PLAGL1: variants seen among roughly 807,000 people sequenced by gnomAD.
PLAGL1 encodes the protein zinc finger protein PLAGL1.
In PLAGL1, 1 loss-of-function variant was observed where a neutral mutation model predicts 4.6. The ratio of observed to expected loss-of-function variants is 0.22; its 90% CI spans 0.08 to 1.03. PLAGL1 has a LOEUF of 1.03. PLAGL1 is among the 50% of genes least tolerant of loss of function. The pLI, the probability that PLAGL1 is intolerant of heterozygous loss-of-function variation, is 0.58. For synonymous variants in PLAGL1, 240 were observed against 237.8 expected, an observed-to-expected ratio of 1.01 and a Z score of -0.08; for missense variants, 464 against 570.4, an observed-to-expected ratio of 0.81 and a Z score of 1.90.
At chr6:144,009,033 T>C (rs1360395393), upstream of PLAGL1, among the ~76,000 whole-genome samples, 2 of 152,216 alleles carry the variant, frequency 1.3e-5, no homozygotes, top group African/African-American at 4.8e-5. Context: ...GACGTGCTTT[T>C]TAAAAGGCCT....
intron 2 of PLAGL1, among the ~76,000 whole-genome samples, chr6:143,976,773 C>A (rs1372286098): frequency 1.3e-5 from 2 of 152,148 alleles, no homozygotes; most frequent in Non-Finnish European, 2.9e-5. Flanking sequence ...TATCTTCTCT[C>A]ACAACATGAA....
At chr6:144,012,464 T>A (rs2128689829), upstream of PLAGL1, among the ~76,000 whole-genome samples, 3 of 152,274 alleles carry the variant, frequency 2.0e-5, no homozygotes, top group South Asian at 6.2e-4. This position sits in a 1 kb window ranked among gnomAD's most constrained non-coding sequence, Gnocchi z 4.8. Context: ...CTCAAACTCC[T>A]GACCTCAGGT....
upstream of PLAGL1, among the ~76,000 whole-genome samples, chr6:144,012,196 C>G (rs1045950502): frequency 2.0e-5 from 3 of 151,960 alleles, no homozygotes; most frequent in Non-Finnish European, 2.9e-5. This position sits in a 1 kb window ranked among gnomAD's most constrained non-coding sequence, Gnocchi z 4.8. Flanking sequence ...TTGTTGCTTT[C>G]TTTCCTTTGG....
intron 2 of PLAGL1, among the ~76,000 whole-genome samples, chr6:143,977,090 C>CCA (rs1562477945): frequency 6.8e-6 from 1 of 148,102 alleles, no homozygotes. Flanking sequence ...CCTTCCCCCC[C>CCA]CCCAACACAC....
At position 143,942,417 on chromosome 6, in the gene PLAGL1, C is replaced by G. The variant is rs1263961385; in HGVS notation, c.399G>C (p.Glu133Asp). 6.2e-7 allele frequency: 1 copy of G among 1,614,152 alleles called. No homozygotes were observed. The highest frequency in any genetic ancestry group is 8.5e-7 in the Non-Finnish European group (1 of 1,180,012). ...GVCALELGSTEVLLDHLKAHA... is the reference protein window; with the variant it reads ...GVCALELGSTDVLLDHLKAHA... ...GGGCTTTGAGGTGGTCCAGTAGCAC[C>G]TCGGTGCTCCCTAGCTCCAGGGCAC... Residue 133 changes from glutamate (E) to aspartate (D), a missense_variant, in exon 8 of 8, where the codon GAG becomes GAC. Coordinates refer to ENST00000674357, the MANE Select transcript of PLAGL1 (RefSeq NM_001317162.2). This position sits in a 1 kb window ranked among gnomAD's most constrained non-coding sequence, Gnocchi z 7.6.
chr6:143,988,040 C>T (rs536610455), intron 1 of PLAGL1, among the ~76,000 whole-genome samples: 56 of 152,278 alleles, frequency 3.7e-4, no homozygotes, highest in Non-Finnish European at 6.8e-4. Context: ...TTTTCCCATA[C>T]ATATAAGATA....
chr6:144,013,405 C>A (rs537629193), upstream of PLAGL1, among the ~76,000 whole-genome samples: 1 of 152,148 alleles, frequency 6.6e-6, no homozygotes, highest in African/African-American at 2.4e-5. This position sits in a 1 kb window ranked among gnomAD's most constrained non-coding sequence, Gnocchi z 4.4. Context: ...GAGCATTTGA[C>A]AACTACACCC....
intron 1 of PLAGL1, among the ~76,000 whole-genome samples, chr6:144,029,714 G>GCCTTATGGAAGGCAA (rs1292527601): frequency 1.3e-5 from 2 of 152,186 alleles, no homozygotes; most frequent in Non-Finnish European, 2.9e-5. Flanking sequence ...AACTGGTACA[G>GCCTTATGGAAGGCAA]CCTTATGGAA....
intron 1 of PLAGL1, among the ~76,000 whole-genome samples, chr6:144,032,121 ATT>A (rs111598351): frequency 4.9e-5 from 7 of 142,336 alleles, no homozygotes; most frequent in East Asian, 2.0e-4. Flanking sequence ...AACTTATTGC[ATT>A]TTTTTTTTTT....
In PLAGL1 at chr6:143,972,425, T is replaced by C. The variant is rs190709490; in HGVS notation, c.-543-3447A>G. Reference sequence around the variant, plus strand: ...TGTGAAAGAAGGTATCTCAGAGATGTTTCCTTGTGATAATCTCAAGACTTT... The same window carrying C: ...TGTGAAAGAAGGTATCTCAGAGATGCTTCCTTGTGATAATCTCAAGACTTT... On this transcript the variant is annotated intron_variant, in intron 2 of 7. Transcript: ENST00000674357. This position sits in a 1 kb window ranked among gnomAD's most constrained non-coding sequence, Gnocchi z 6.8. Among the ~76,000 whole-genome samples, 46 of 152,288 alleles carry C rather than the reference T, an allele frequency of 3.0e-4. No individual in the cohort carries two copies. The highest frequency in any genetic ancestry group is 9.4e-4 in the African/African-American group (39 of 41,564).
intron 1 of PLAGL1, among the ~76,000 whole-genome samples, chr6:144,023,673 C>T (rs1317737478): frequency 1.3e-5 from 2 of 149,726 alleles, no homozygotes; most frequent in African/African-American, 4.9e-5. Flanking sequence ...CTAGGTTTCT[C>T]TGTTAGGGAA....
At position 144,032,121 on chromosome 6, in the gene PLAGL1, A is replaced by ATTTT. The variant is rs111598351; in HGVS notation, c.-151+32343_-151+32346dup. On this transcript the variant is annotated intron_variant, in intron 1 of 3. Transcript: ENST00000437412. Reference sequence around the variant, plus strand: ...CAAGTTTCTCCCTATAACTTATTGCATTTTTTTTTTTTTGAGACAGAGTAT... The same window carrying ATTTT: ...CAAGTTTCTCCCTATAACTTATTGCATTTTTTTTTTTTTTTTTGAGACAGAGTAT... 8.8e-3 allele frequency among the ~76,000 whole-genome samples: 1,259 copies of ATTTT among 142,348 alleles called. 56 individuals are homozygous for ATTTT. The highest frequency in any genetic ancestry group is 0.078 in the Admixed American group (1,112 of 14,230). The allele number at this position is 142,348 out of a possible 152,430, so 93.4% of individuals were successfully genotyped here.
At chr6:144,019,336 G>T (rs1284092763) in intron 1 of PLAGL1, among the ~76,000 whole-genome samples, 1 of 152,108 alleles carries the variant, frequency 6.6e-6, no homozygotes, top group Admixed American at 6.5e-5. Context: ...GCCAGGCATG[G>T]TGGTGGGCGC....
rs748123821 is a variant in PLAGL1, at chr6:143,942,173, T to C, written c.643A>G (p.Ser215Gly). The part of the protein sequence containing the change: ...KTHSQELMKE[S>G]LQTGDLLSTF... Reference sequence around the variant, plus strand: ...CTCAGAAGGTCTCCGGTCTGCAAGCTCTCTTTCATCAGCTCCTGTGAGTGG... The same window carrying C: ...CTCAGAAGGTCTCCGGTCTGCAAGCCCTCTTTCATCAGCTCCTGTGAGTGG... Residue 215 changes from serine to glycine, a missense_variant, in exon 8 of 8, where the codon AGC (serine) becomes GGC (glycine). This residue lies in a region of PLAGL1 where 248 missense variants were observed against 250.1 expected (regional missense o/e 0.99). Transcript: ENST00000674357. The surrounding 1 kb of genome is among the most constrained non-coding windows in gnomAD (Gnocchi z 7.6). 2.1e-5 allele frequency: 34 copies of C among 1,613,952 alleles called. No individual in the cohort carries two copies. Among genetic ancestry groups the C allele is most frequent in the Non-Finnish European group, 2.9e-5 (34 of 1,179,988 alleles).
rs888715986 is a variant in PLAGL1, at chr6:143,960,012, C to T, written c.-325+457G>A. On this transcript the variant is annotated intron_variant, in intron 6 of 7. Coordinates refer to ENST00000674357, the MANE Select transcript of PLAGL1 (RefSeq NM_001317162.2). The surrounding 1 kb of genome is among the most constrained non-coding windows in gnomAD (Gnocchi z 5.7). The stretch of plus-strand genomic sequence containing the variant: ...GCCTCAGGAAGTATGGCTGGATTGC[C>T]TCATGTGGCTGGGATGCGACCAGCA... Among the ~76,000 whole-genome samples the T allele has an allele frequency of 6.6e-6, 1 of 152,214 alleles. No homozygotes were observed. Among genetic ancestry groups the T allele is most frequent in the Admixed American group, 6.5e-5 (1 of 15,278 alleles).
In PLAGL1 at chr6:143,957,448, C is replaced by T. The variant is rs1177797284; in HGVS notation, c.-325+3021G>A. ...TCCCCCTCCTCACTCCCTAGAAACC[C>T]TTGAGTCTCGCCTTTAGGCCCTTTT... On this transcript the variant is annotated intron_variant, in intron 6 of 7. Transcript: ENST00000674357. This position sits in a 1 kb window ranked among gnomAD's most constrained non-coding sequence, Gnocchi z 4.2. Among the ~76,000 whole-genome samples, 1 of 152,216 alleles carries T rather than the reference C, an allele frequency of 6.6e-6. No homozygotes were observed. The highest frequency in any genetic ancestry group is 1.5e-5 in the Non-Finnish European group (1 of 68,044).
In PLAGL1 at chr6:143,948,861, T is replaced by A. The variant is rs1780396139; in HGVS notation, c.-324-401A>T. On this transcript the variant is annotated intron_variant, in intron 6 of 7. Transcript: ENST00000674357. The surrounding 1 kb of genome is among the most constrained non-coding windows in gnomAD (Gnocchi z 6.0). The stretch of plus-strand genomic sequence containing the variant: ...GTCCATAAACAAAAATCACCCACAC[T>A]TACTCAAACCACGGGCTCTTCCTCA... Among the ~76,000 whole-genome samples, 1 of 152,184 alleles carries A rather than the reference T, an allele frequency of 6.6e-6. No individual in the cohort carries two copies. The highest frequency in any genetic ancestry group is 1.5e-5 in the Non-Finnish European group (1 of 68,022).
chr6:144,009,591 A>C (rs866892511), upstream of PLAGL1, among the ~76,000 whole-genome samples: 1 of 152,184 alleles, frequency 6.6e-6, no homozygotes, highest in Non-Finnish European at 1.5e-5. Flanking sequence ...AGGTATACAC[A>C]TGCCATGGTG....
chr6:143,994,961 T>C lies in PLAGL1; in HGVS notation c.-583-9787A>G, dbSNP rs1467039365. 6.6e-6 allele frequency among the ~76,000 whole-genome samples: 1 copy of C among 152,212 alleles called. No individual in the cohort carries two copies. Among genetic ancestry groups the C allele is most frequent in the African/African-American group, 2.4e-5 (1 of 41,460 alleles). On this transcript the variant is annotated intron_variant, in intron 1 of 7. Coordinates refer to ENST00000674357, the MANE Select transcript of PLAGL1 (RefSeq NM_001317162.2). The surrounding 1 kb of genome is among the most constrained non-coding windows in gnomAD (Gnocchi z 4.3). ...TCTCAGTGATGCCTCTATCTTGTCA[T>C]CATCTAATGGGAACAATTAAGAGAC...
Sources: allele counts gnomAD v4.1 joint callset (sites outside exome capture counted in the v4.1 genomes callset), GRCh38; gene constraint gnomAD v4.1.1; regional missense constraint gnomAD v4.1.1; non-coding constraint Gnocchi (gnomAD v3.1); transcripts MANE v1.5; gene names NCBI Gene and HGNC (gene_info 2026-07-23, HGNC 2026-07-21).